Variants in SPOCK3 observed in about 807,000 individuals in gnomAD.
SPOCK3 encodes SPARC (osteonectin), cwcv and kazal like domains proteoglycan 3.
Under a neutral mutation model 56.6 loss-of-function variants are expected in SPOCK3, and 30 were observed. The ratio of observed to expected loss-of-function variants is 0.53; its 90% CI spans 0.40 to 0.72. The LOEUF (loss-of-function observed/expected upper bound fraction) is 0.72. Among genes scored for constraint, SPOCK3 ranks in the 30% least tolerant of loss-of-function variants. The pLI is 0.00. For missense variants in SPOCK3, 527 were observed against 530.0 expected, an observed-to-expected ratio of 0.99 and a Z score of 0.06; for synonymous variants, 196 against 183.3, an observed-to-expected ratio of 1.07 and a Z score of -0.56.
At chr4:167,075,606 G>A (rs1016300720) in intron 2 of SPOCK3, among the ~76,000 whole-genome samples, 1 of 151,848 alleles carries the variant, frequency 6.6e-6, no homozygotes, top group African/African-American at 2.4e-5. Flanking sequence ...TTTTGCTTAT[G>A]GTAAAGGGAG....
intron 3 of SPOCK3, among the ~76,000 whole-genome samples, chr4:167,054,775 T>G (rs547115782): frequency 6.6e-6 from 1 of 152,200 alleles, no homozygotes; most frequent in Non-Finnish European, 1.5e-5. Flanking sequence ...AAATATGTCA[T>G]AGTTAAACCA....
intron 2 of SPOCK3, among the ~76,000 whole-genome samples, chr4:167,221,747 A>G (rs1469742345): frequency 6.6e-6 from 1 of 152,168 alleles, no homozygotes; most frequent in Non-Finnish European, 1.5e-5. Flanking sequence ...CAAAACCACA[A>G]TATCAACTCA....
chr4:167,038,421 C>G (rs1752952545), intron 3 of SPOCK3, among the ~76,000 whole-genome samples: 1 of 152,092 alleles, frequency 6.6e-6, no homozygotes, highest in South Asian at 2.1e-4. Flanking sequence ...CTCTGATTAT[C>G]TACAAATTTA....
chr4:167,089,919 A>G (rs904033912), intron 2 of SPOCK3, among the ~76,000 whole-genome samples: 4 of 151,536 alleles, frequency 2.6e-5, no homozygotes, highest in Non-Finnish European at 5.9e-5. Flanking sequence ...TCTTTCCCGT[A>G]GTATGGATTA....
At chr4:166,888,999 TA>T in intron 6 of SPOCK3, 130 bp downstream of exon 6, 1 of 644,688 alleles carries the variant, frequency 1.6e-6, no homozygotes, top group Non-Finnish European at 2.7e-6. Context: ...ATATCTTCAA[TA>T]AAAATATAAA....
In SPOCK3 at chr4:166,742,069, C is replaced by T. The variant is rs753804718; in HGVS notation, c.932-10G>A. 6.2e-7 allele frequency: 1 copy of T among 1,605,362 alleles called. No individual in the cohort carries two copies. ...GTCTGGCAAGGTGGGTCTGCAATGA[C>T]ATTAAAAATGTTACTTCAAGGATTC... On this transcript the variant is annotated splice_polypyrimidine_tract_variant and intron_variant, in intron 8 of 10. Transcript: ENST00000357545.
At chr4:166,886,774 C>T (rs1734238762) in intron 6 of SPOCK3, among the ~76,000 whole-genome samples, 2 of 152,182 alleles carry the variant, frequency 1.3e-5, no homozygotes, top group South Asian at 4.1e-4. Context: ...ATAGAATTTC[C>T]TGCACTGCAC....
At chr4:167,045,042 T>C (rs886486566) in intron 3 of SPOCK3, among the ~76,000 whole-genome samples, 3 of 152,158 alleles carry the variant, frequency 2.0e-5, no homozygotes, top group African/African-American at 7.2e-5. Flanking sequence ...AATTCAACTA[T>C]TTTTCCTTGT....
intron 2 of SPOCK3, among the ~76,000 whole-genome samples, chr4:167,156,693 T>A (rs1483171276): frequency 6.6e-6 from 1 of 152,152 alleles, no homozygotes; most frequent in Non-Finnish European, 1.5e-5. Context: ...TTCCCTATTT[T>A]ATGTAAAACA....
intron 2 of SPOCK3, among the ~76,000 whole-genome samples, chr4:167,228,635 T>C (rs1010975885): frequency 1.3e-4 from 20 of 152,086 alleles, no homozygotes; most frequent in African/African-American, 4.1e-4. Context: ...GTGGTTGTAG[T>C]AGCAGGTTTA....
intron 2 of SPOCK3, among the ~76,000 whole-genome samples, chr4:167,212,900 A>G (rs1735018145): frequency 6.6e-6 from 1 of 152,212 alleles, no homozygotes; most frequent in Non-Finnish European, 1.5e-5. Context: ...TGATTTTTGA[A>G]TATTTTTCAA....
At chr4:167,111,892 G>A (rs1227513511) in intron 2 of SPOCK3, among the ~76,000 whole-genome samples, 1 of 151,762 alleles carries the variant, frequency 6.6e-6, no homozygotes, top group Non-Finnish European at 1.5e-5. Context: ...CAAGTAGCTG[G>A]GACTACATGA....
chr4:166,949,540 G>A (rs1007844724), intron 4 of SPOCK3, among the ~76,000 whole-genome samples: 70 of 152,080 alleles, frequency 4.6e-4, no homozygotes, highest in African/African-American at 1.3e-3. Context: ...CTTTCTGTTC[G>A]TTAGTTTTCC....
At chr4:166,814,377 G>T (rs1744173044) in intron 6 of SPOCK3, among the ~76,000 whole-genome samples, 1 of 152,046 alleles carries the variant, frequency 6.6e-6, no homozygotes, top group Non-Finnish European at 1.5e-5. Flanking sequence ...GTCCATGAGG[G>T]TGTTGCCAGA....
At chr4:166,764,075 T>G (rs1737615735) in intron 7 of SPOCK3, among the ~76,000 whole-genome samples, 2 of 152,080 alleles carry the variant, frequency 1.3e-5, no homozygotes, top group Non-Finnish European at 2.9e-5. Flanking sequence ...TGGAGGACAA[T>G]TTCCACCTAG....
intron 5 of SPOCK3, among the ~76,000 whole-genome samples, chr4:166,890,705 T>A (rs1345582589): frequency 1.3e-5 from 2 of 151,974 alleles, no homozygotes; most frequent in African/African-American, 2.4e-5. Flanking sequence ...AAAAGTGTGA[T>A]GTGTTGCTAA....
intron 10 of SPOCK3, among the ~76,000 whole-genome samples, chr4:166,736,868 T>G (rs1734266303): frequency 6.6e-6 from 1 of 152,124 alleles, no homozygotes; most frequent in Admixed American, 6.6e-5. Context: ...TATGCTCAAC[T>G]AAGCGTTACA....
chr4:166,962,697 G>A (rs143825687), intron 4 of SPOCK3, among the ~76,000 whole-genome samples: 119 of 152,094 alleles, frequency 7.8e-4, no homozygotes, highest in African/African-American at 2.4e-3. Flanking sequence ...CCATTTTCAC[G>A]ACTTCCATAG....
At chr4:166,823,007 T>C (rs1344640396) in intron 6 of SPOCK3, among the ~76,000 whole-genome samples, 3 of 152,062 alleles carry the variant, frequency 2.0e-5, no homozygotes, top group African/African-American at 7.2e-5. Context: ...TAGGAAGCCA[T>C]ATGCATATGT....
Sources: gnomAD v4.1 joint callset for allele counts (sites outside exome capture counted in the v4.1 genomes callset) on GRCh38, gnomAD v4.1.1 for gene constraint, MANE v1.5 for transcripts, NCBI Gene and HGNC (gene_info 2026-07-23, HGNC 2026-07-21) for gene names.